The following ZNF721 variants were observed in gnomAD, a reference collection of about 807,000 sequenced individuals.
ZNF721 encodes the protein zinc finger protein 721.
ZNF721 carries 2 observed loss-of-function variants against 2.4 expected under a neutral mutation model. That is an observed-to-expected ratio of 0.82 (90% CI 0.34 to 2.58). ZNF721 has a LOEUF of 2.58. ZNF721 is among the 30% of genes most tolerant of loss of function. The pLI is 0.11. For synonymous variants in ZNF721, 398 were observed against 381.8 expected, an observed-to-expected ratio of 1.04 and a Z score of -0.50; for missense variants, 1,187 against 1,085.5, an observed-to-expected ratio of 1.09 and a Z score of -1.31.
intron 1 of ZNF721, among the ~76,000 whole-genome samples, chr4:480,445 A>G (rs1390019846): frequency 6.6e-6 from 1 of 152,200 alleles, no homozygotes; most frequent in African/African-American, 2.4e-5. Flanking sequence ...TTTATTTTTT[A>G]ATGTGTACAG....
At chr4:463,117 AAAG>A (rs1218345310) in intron 2 of ZNF721, among the ~76,000 whole-genome samples, 8 of 152,246 alleles carry the variant, frequency 5.3e-5, no homozygotes, top group African/African-American at 1.7e-4. Flanking sequence ...ACAGTTCTCA[AAAG>A]AAGACATTTA....
intron 2 of ZNF721, among the ~76,000 whole-genome samples, chr4:447,821 AC>A (rs1190569103): frequency 5.8e-5 from 8 of 137,150 alleles, no homozygotes; most frequent in Non-Finnish European, 1.3e-4. Flanking sequence ...AATAATAAAA[AC>A]GTTCCTTTAC....
intron 2 of ZNF721, among the ~76,000 whole-genome samples, chr4:452,675 G>C (rs797043557): frequency 6.6e-6 from 1 of 152,158 alleles, no homozygotes; most frequent in Non-Finnish European, 1.5e-5. Flanking sequence ...GGTGGGAAGA[G>C]GGTACCTTTG....
At chr4:444,979 C>CTTTTT (rs569762644) in intron 2 of ZNF721, among the ~76,000 whole-genome samples, 4 of 108,732 alleles carry the variant, frequency 3.7e-5, no homozygotes, top group Non-Finnish European at 5.2e-5. Flanking sequence ...TGATGAGAGA[C>CTTTTT]TTTTTTTTTT....
intron 2 of ZNF721, among the ~76,000 whole-genome samples, chr4:465,724 G>T (rs1277599236): frequency 6.6e-6 from 1 of 151,550 alleles, no homozygotes; most frequent in Non-Finnish European, 1.5e-5. Flanking sequence ...GTGAGCCACT[G>T]TGCCTGGCCA....
At chr4:454,984 C>T (rs1240403939) in intron 2 of ZNF721, among the ~76,000 whole-genome samples, 1 of 152,172 alleles carries the variant, frequency 6.6e-6, no homozygotes, top group Admixed American at 6.5e-5. Context: ...TCCCACACTG[C>T]GCCAAAGCTT....
rs571255933 is a variant in ZNF721, at chr4:488,843, T to TAAATA, written c.-94+10208_-94+10212dup. 2.3e-3 allele frequency among the ~76,000 whole-genome samples: 343 copies of TAAATA among 150,806 alleles called. 1 individual carries two copies. Among genetic ancestry groups the TAAATA allele is most frequent in the African/African-American group, 7.6e-3 (311 of 41,006 alleles). On this transcript the variant is annotated intron_variant, in intron 1 of 2. Coordinates refer to ENST00000511833, the MANE Select transcript of ZNF721 (RefSeq NM_133474.4). ...TACTCCATCTCAAAAAAAAATAAAA[T>TAAATA]AAATAAAATAAAATAAAAGGAAGAG...
chr4:479,903 A>T (rs1553869108), intron 1 of ZNF721, among the ~76,000 whole-genome samples: 2 of 152,170 alleles, frequency 1.3e-5, no homozygotes. Flanking sequence ...ATTCTTTTTC[A>T]GTAGTAGGTC....
intron 2 of ZNF721, among the ~76,000 whole-genome samples, chr4:446,108 A>T (rs1169014324): frequency 1.5e-5 from 2 of 136,022 alleles, no homozygotes; most frequent in African/African-American, 3.1e-5. Flanking sequence ...AATGCTGAAG[A>T]AAGTGTCTTC....
intron 2 of ZNF721, chr4:453,422 T>C (rs1714736362): frequency 6.6e-6 from 1 of 152,268 alleles, no homozygotes. Context: ...GTTCTCCATG[T>C]TGATGCTCAT....
chr4:470,070 G>A (rs374166502), intron 2 of ZNF721, among the ~76,000 whole-genome samples: 2 of 152,196 alleles, frequency 1.3e-5, no homozygotes, highest in African/African-American at 4.8e-5. Context: ...TTTTAGTAGA[G>A]ACAGGGTTTC....
At chr4:465,172 T>C (rs917458997) in intron 2 of ZNF721, among the ~76,000 whole-genome samples, 1 of 150,666 alleles carries the variant, frequency 6.6e-6, no homozygotes, top group Admixed American at 6.6e-5. Flanking sequence ...TTCTGGAGCC[T>C]AGGAATTCAA....
chr4:480,287 C>T (rs1211803098), intron 1 of ZNF721, among the ~76,000 whole-genome samples: 3 of 152,128 alleles, frequency 2.0e-5, no homozygotes, highest in Non-Finnish European at 2.9e-5. Flanking sequence ...ATATTAATTT[C>T]ACTATGTGCT....
In ZNF721 at chr4:472,627, C is replaced by G. The variant is rs782466036; in HGVS notation, c.-19G>C. 1 of 1,614,018 alleles carries G rather than the reference C, an allele frequency of 6.2e-7. No individual in the cohort carries two copies. Among genetic ancestry groups the G allele is most frequent in the African/African-American group, 1.3e-5 (1 of 75,006 alleles). On this transcript the variant is annotated 5_prime_UTR_variant, in exon 2 of 3. Coordinates refer to ENST00000511833, the MANE Select transcript of ZNF721 (RefSeq NM_133474.4). ...CCAACATCACATCTCTATACAAATT[C>G]TGCTGGGCAGGGTCCAGGCATTTCC...
At chr4:464,708 C>G (rs1715186108) in intron 2 of ZNF721, among the ~76,000 whole-genome samples, 1 of 152,072 alleles carries the variant, frequency 6.6e-6, no homozygotes, top group Admixed American at 6.6e-5. Flanking sequence ...GTCAATATAG[C>G]AGGACCCTGT....
At chr4:456,050 T>A (rs955724030) in intron 2 of ZNF721, among the ~76,000 whole-genome samples, 1 of 144,406 alleles carries the variant, frequency 6.9e-6, no homozygotes, top group African/African-American at 2.6e-5. Flanking sequence ...CCAAAAAAAT[T>A]TTTATTTATT....
chr4:492,033 G>A (rs1716035796), intron 1 of ZNF721, among the ~76,000 whole-genome samples: 1 of 151,672 alleles, frequency 6.6e-6, no homozygotes, highest in Non-Finnish European at 1.5e-5. Flanking sequence ...GTGGCCGGCG[G>A]GCGCCTGTAG....
Position 461,654 on chromosome 4 carries a change from C to T in ZNF721, c.34+10921G>A, listed in dbSNP as rs192640137. 5.2e-4 allele frequency among the ~76,000 whole-genome samples: 79 copies of T among 152,278 alleles called. 1 individual carries two copies. The East Asian group carries it at 0.013, about 24-fold the overall frequency. On this transcript the variant is annotated intron_variant, in intron 2 of 2. Transcript: ENST00000511833. ...TTGGGAGGCTGAGGTGGGTGGATCA[C>T]TTGAGGTCAGGAGTTCAAGACCAGC...
At chr4:491,391 C>T (rs1716020488) in intron 1 of ZNF721, among the ~76,000 whole-genome samples, 1 of 152,200 alleles carries the variant, frequency 6.6e-6, no homozygotes. Flanking sequence ...GCACTCCAGC[C>T]TGGGCAACAG....
Sources: allele counts gnomAD v4.1 joint callset (sites outside exome capture counted in the v4.1 genomes callset), GRCh38; gene constraint gnomAD v4.1.1; transcripts MANE v1.5; gene names NCBI Gene and HGNC (gene_info 2026-07-23, HGNC 2026-07-21).